Variants in CRYBG1 observed in about 807,000 individuals in gnomAD.
CRYBG1 encodes the protein crystallin beta-gamma domain containing 1, also known as beta/gamma crystallin domain-containing protein 1.
CRYBG1 carries 139 observed loss-of-function variants against 189.2 expected under a neutral mutation model. The ratio of observed to expected loss-of-function variants is 0.73; its 90% CI spans 0.64 to 0.85. CRYBG1 has a LOEUF of 0.85. Among genes scored for constraint, CRYBG1 ranks in the 40% least tolerant of loss-of-function variants. The pLI is 0.00. For synonymous variants in CRYBG1, 1,023 were observed against 1,017.1 expected, an observed-to-expected ratio of 1.01 and a Z score of -0.11; for missense variants, 2,611 against 2,675.8, an observed-to-expected ratio of 0.98 and a Z score of 0.53.
chr6:106,460,823 G>C lies in CRYBG1; in HGVS notation c.312+8991G>C, dbSNP rs538958892. On this transcript the variant is annotated intron_variant, in intron 2 of 21. Transcript: ENST00000633556. Reference sequence around the variant, plus strand: ...TGTTTTCTTGAGACAGTCTCACTCTGTTGCCCAGGCTGGATTGCAGAGGCT... The same window carrying C: ...TGTTTTCTTGAGACAGTCTCACTCTCTTGCCCAGGCTGGATTGCAGAGGCT... Among the ~76,000 whole-genome samples, 11 of 152,282 alleles carry C rather than the reference G, an allele frequency of 7.2e-5. No individual in the cohort carries two copies. In the East Asian group the frequency reaches 1.5e-3, roughly 21 times the overall value.
intron 1 of CRYBG1, among the ~76,000 whole-genome samples, chr6:106,391,608 A>G (rs768348541): frequency 1.3e-5 from 2 of 151,872 alleles, no homozygotes; most frequent in African/African-American, 2.4e-5. Flanking sequence ...CATTTTGTAT[A>G]TATATATGCA....
rs1023584947 is a variant in CRYBG1 at position 106,558,568 on chromosome 6, A to G, written c.5798A>G (p.Asn1933Ser). The G allele has an allele frequency of 1.2e-6, 2 of 1,613,780 alleles. No homozygotes were observed. Among genetic ancestry groups the G allele is most frequent in the Middle Eastern group, 3.3e-4 (2 of 6,060 alleles). ...KKIELNAETV[N>S]LRSLGFNTQI... is the part of the protein sequence containing the mutation. ...ATTGAACTTAATGCAGAAACTGTCA[A>G]TCTCCGATCCCTGGGATTCAACACA... is the stretch of plus-strand genomic sequence containing the variant. Residue 1933 changes from asparagine to serine, a missense_variant, in exon 18 of 22, where the codon AAT (asparagine) becomes AGT (serine). Asn to Ser is a conservative substitution (Grantham distance 46). Coordinates refer to ENST00000633556, the MANE Select transcript of CRYBG1 (RefSeq NM_001371242.2).
rs2114611335 is a variant in CRYBG1 at position 106,571,334 on chromosome 6, A to G, written c.*2768A>G. The stretch of plus-strand genomic sequence containing the variant: ...AGAAAGCTGCTCAGTGATGAATTCA[A>G]GAAGGAACCAGCTTTAAATTATCTC... On this transcript the variant is annotated 3_prime_UTR_variant, in exon 22 of 22. Transcript: ENST00000633556. 6.6e-6 allele frequency: 1 copy of G among 152,372 alleles called. No homozygotes were observed. Among genetic ancestry groups the G allele is most frequent in the South Asian group, 2.1e-4 (1 of 4,828 alleles). The allele number at this position is 152,372 out of a possible 1,614,324, so 9.4% of individuals were successfully genotyped here. A position where few individuals can be genotyped will look rare whatever the true frequency, so the allele number is the denominator to read the frequency against.
At chr6:106,420,703 T>C (rs986620927) in intron 1 of CRYBG1, 1 of 153,094 alleles carries the variant, frequency 6.5e-6, no homozygotes, top group Non-Finnish European at 1.5e-5. Flanking sequence ...AATGGTTGTG[T>C]CTGGCTGGTC....
chr6:106,381,340 GCT>G (rs1770284594), intron 1 of CRYBG1, among the ~76,000 whole-genome samples: 1 of 152,154 alleles, frequency 6.6e-6, no homozygotes, highest in Non-Finnish European at 1.5e-5. Flanking sequence ...CCTAAATTCT[GCT>G]CACGGTTCAG....
chr6:106,543,696 A>G, intron 11 of CRYBG1, 99 bp downstream of exon 11: 1 of 1,310,192 alleles, frequency 7.6e-7, no homozygotes, highest in Non-Finnish European at 1.1e-6. Context: ...CTGATTCTAT[A>G]GTATGGTGAA....
intron 13 of CRYBG1, among the ~76,000 whole-genome samples, chr6:106,546,735 A>G (rs1272614637): frequency 1.3e-5 from 2 of 152,234 alleles, no homozygotes; most frequent in Non-Finnish European, 2.9e-5. Context: ...TATAAGGTAC[A>G]AGTTATCTGA....
intron 1 of CRYBG1, among the ~76,000 whole-genome samples, chr6:106,385,024 C>G (rs767379276): frequency 6.6e-6 from 1 of 152,134 alleles, no homozygotes; most frequent in Non-Finnish European, 1.5e-5. Flanking sequence ...TTGTCATTCT[C>G]CCATGAAGTG....
chr6:106,401,562 C>T (rs1345732883), intron 1 of CRYBG1, among the ~76,000 whole-genome samples: 3 of 106,440 alleles, frequency 2.8e-5, no homozygotes, highest in Non-Finnish European at 5.6e-5. Context: ...CCCCCTCCCC[C>T]GACCCCACCA....
intron 1 of CRYBG1, among the ~76,000 whole-genome samples, chr6:106,448,274 C>A (rs558124098): frequency 6.6e-6 from 1 of 152,210 alleles, no homozygotes; most frequent in South Asian, 2.1e-4. Context: ...TTAGCCAACA[C>A]CCCATCATTC....
chr6:106,376,954 CACTT>C (rs1748218724), intron 1 of CRYBG1, among the ~76,000 whole-genome samples: 1 of 152,136 alleles, frequency 6.6e-6, no homozygotes, highest in African/African-American at 2.4e-5. Context: ...AATTAAATGA[CACTT>C]ACAGAAATAT....
rs188722001 is a variant in CRYBG1 at position 106,480,343 on chromosome 6, G to C, written c.312+28511G>C. ...GACTAAGTTAGGATTGCACACTGTA[G>C]CCTGAAGTTTAGAGGATTTGGATAT... On this transcript the variant is annotated intron_variant, in intron 2 of 21. Transcript: ENST00000633556. Among the ~76,000 whole-genome samples the C allele has an allele frequency of 2.5e-3, 382 of 152,202 alleles. 4 individuals carry two copies. The South Asian group carries it at 0.026, about 11-fold the overall frequency.
In CRYBG1 at chr6:106,544,769, G is replaced by A; in HGVS notation, c.5167-19G>A. The stretch of plus-strand genomic sequence containing the variant: ...AATAAATGGCTAGCCTTTGAATTTT[G>A]AATTTTTTTTCTCAATAGGATTTTT... On this transcript the variant is annotated intron_variant, in intron 12 of 21. Coordinates refer to ENST00000633556, the MANE Select transcript of CRYBG1 (RefSeq NM_001371242.2). 6.2e-7 allele frequency: 1 copy of A among 1,601,816 alleles called. No homozygotes were observed. Among genetic ancestry groups the A allele is most frequent in the Non-Finnish European group, 8.5e-7 (1 of 1,176,270 alleles).
At chr6:106,494,973 C>T (rs1772811271) in intron 2 of CRYBG1, among the ~76,000 whole-genome samples, 1 of 152,152 alleles carries the variant, frequency 6.6e-6, no homozygotes, top group Non-Finnish European at 1.5e-5. Context: ...CTTTCTCTAC[C>T]TACTTCCTAT....
chr6:106,470,366 CATTGG>C (rs766904600), intron 2 of CRYBG1, among the ~76,000 whole-genome samples: 1 of 151,998 alleles, frequency 6.6e-6, no homozygotes, highest in African/African-American at 2.4e-5. Flanking sequence ...ACCATTCCTT[CATTGG>C]ACTGACAAAA....
At chr6:106,466,581 C>A (rs1480031081) in intron 2 of CRYBG1, among the ~76,000 whole-genome samples, 8 of 152,284 alleles carry the variant, frequency 5.3e-5, no homozygotes. Context: ...TTACCGACAA[C>A]TTAATCTAAA....
At chr6:106,505,389 C>T (rs563917808) in intron 2 of CRYBG1, among the ~76,000 whole-genome samples, 8 of 152,208 alleles carry the variant, frequency 5.3e-5, no homozygotes, top group Middle Eastern at 6.8e-3. Context: ...CCACCGCACC[C>T]GGCCCAATTT....
chr6:106,517,648 A>G (rs549358072), intron 3 of CRYBG1, among the ~76,000 whole-genome samples: 7 of 151,838 alleles, frequency 4.6e-5, no homozygotes, highest in Non-Finnish European at 8.8e-5. Context: ...ACTTTCCCCA[A>G]CTGCAGCCCT....
chr6:106,566,742 C>A (rs1774900173), intron 21 of CRYBG1, among the ~76,000 whole-genome samples: 1 of 151,968 alleles, frequency 6.6e-6, no homozygotes, highest in African/African-American at 2.4e-5. Context: ...CGTCCCACAC[C>A]CCATGCAAAG....
Sources: allele counts gnomAD v4.1 joint callset (sites outside exome capture counted in the v4.1 genomes callset), GRCh38; gene constraint gnomAD v4.1.1; transcripts MANE v1.5; gene names NCBI Gene and HGNC (gene_info 2026-07-23, HGNC 2026-07-21).